The following DIS3L2 variants were observed in gnomAD, a reference collection of about 807,000 sequenced individuals.
DIS3L2 encodes the protein DIS3 like 3'-5' exoribonuclease 2, also known as DIS3-like exonuclease 2.
A neutral mutation model predicts 97.5 loss-of-function variants in DIS3L2; 34 were observed. That is an observed-to-expected ratio of 0.35 (90% confidence interval 0.27 to 0.46). DIS3L2 has a LOEUF of 0.46. Among genes scored for constraint, DIS3L2 ranks in the 20% least tolerant of loss-of-function variants. DIS3L2 has a pLI of 1.00. For synonymous variants in DIS3L2, 435 were observed against 445.2 expected, an observed-to-expected ratio of 0.98 and a Z score of 0.29; for missense variants, 1,038 against 1,146.0, an observed-to-expected ratio of 0.91 and a Z score of 1.36.
At chr2:232,046,563 C>T (rs9636348) in intron 5 of DIS3L2, among the ~76,000 whole-genome samples, 1 of 152,114 alleles carries the variant, frequency 6.6e-6, no homozygotes, top group African/African-American at 2.4e-5. Flanking sequence ...TGCAGTGTAA[C>T]TTGTTGGGGC....
intron 9 of DIS3L2, among the ~76,000 whole-genome samples, chr2:232,189,476 T>G (rs1691550904): frequency 6.6e-6 from 1 of 152,242 alleles, no homozygotes; most frequent in South Asian, 2.1e-4. Context: ...ATGATTCTAT[T>G]TAATCTTTTT....
chr2:232,281,892 G>A lies in DIS3L2; in HGVS notation c.1660-18148G>A, dbSNP rs985902064. Among the ~76,000 whole-genome samples the A allele has an allele frequency of 6.6e-6, 1 of 151,798 alleles. No homozygotes were observed. Among genetic ancestry groups the A allele is most frequent in the Non-Finnish European group, 1.5e-5 (1 of 67,808 alleles). ...GAGTTAAAGAGACATGGGAAGCATC[G>A]GGATTGCTCATACCTCCCAAAGTAC... On this transcript the variant is annotated intron_variant, in intron 13 of 20. Coordinates refer to ENST00000325385, the MANE Select transcript of DIS3L2 (RefSeq NM_152383.5). The surrounding 1 kb of genome is among the most constrained non-coding windows in gnomAD (Gnocchi z 4.1).
chr2:232,342,208 T>C (rs914384593), intron 13 of DIS3L2, among the ~76,000 whole-genome samples: 1 of 115,798 alleles, frequency 8.6e-6, no homozygotes, highest in Non-Finnish European at 1.7e-5. Flanking sequence ...CATACATATA[T>C]ACACATATAT....
rs186861803 is a variant in DIS3L2, at chr2:232,326,637, T to A, written c.1740-3176T>A. Among the ~76,000 whole-genome samples, 84 of 148,746 alleles carry A rather than the reference T, an allele frequency of 5.6e-4. 3 individuals are homozygous for A. In the East Asian group the frequency reaches 0.013, roughly 24 times the overall value. On this transcript the variant is annotated intron_variant, in intron 14 of 20. Transcript: ENST00000325385. ...GGCTGCACCTGGGAAGTGGACTTTCTGTGGTGCTAGCTCCCTCCTCAGTGC... is the reference window on the plus strand; with the variant it reads ...GGCTGCACCTGGGAAGTGGACTTTCAGTGGTGCTAGCTCCCTCCTCAGTGC...
chr2:232,130,508 A>G, intron 6 of DIS3L2, 111 bp from the exon 7 acceptor site: 1 of 1,282,204 alleles, frequency 7.8e-7, no homozygotes. Flanking sequence ...TAAAGTGAGT[A>G]GTTTGGGGTA....
intron 3 of DIS3L2, among the ~76,000 whole-genome samples, chr2:232,018,977 A>G (rs183547007): frequency 6.6e-6 from 1 of 152,156 alleles, no homozygotes. Flanking sequence ...GTTGGGAGAG[A>G]TTAGAGTAGG....
intron 17 of DIS3L2, among the ~76,000 whole-genome samples, 159 bp downstream of exon 17, chr2:232,334,146 T>A (rs1434329198): frequency 6.6e-6 from 1 of 152,148 alleles, no homozygotes; most frequent in East Asian, 1.9e-4. Flanking sequence ...AAACTCTCCC[T>A]ACGGGCCGGT....
At chr2:231,963,177 C>G (rs1692617644) in intron 1 of DIS3L2, among the ~76,000 whole-genome samples, 1 of 152,210 alleles carries the variant, frequency 6.6e-6, no homozygotes, top group Non-Finnish European at 1.5e-5. Flanking sequence ...AGTGGCTGAA[C>G]TAATTTACAT....
intron 14 of DIS3L2, 143 bp from the exon 15 acceptor site, chr2:232,329,670 T>C (rs1695674655): frequency 2.4e-6 from 2 of 818,736 alleles, no homozygotes; most frequent in Non-Finnish European, 3.7e-6. Flanking sequence ...GCGGAACACA[T>C]GAGATGAGGT....
intron 6 of DIS3L2, among the ~76,000 whole-genome samples, chr2:232,129,324 G>A (rs1386223816): frequency 6.6e-6 from 1 of 152,126 alleles, no homozygotes; most frequent in East Asian, 1.9e-4. Flanking sequence ...GCACATTGGT[G>A]AGGTATGTTA....
chr2:232,167,354 G>A (rs772917740), intron 9 of DIS3L2, among the ~76,000 whole-genome samples: 4 of 152,002 alleles, frequency 2.6e-5, no homozygotes, highest in South Asian at 2.1e-4. Flanking sequence ...TTTTACTTAC[G>A]AAAAGTATAG....
intron 6 of DIS3L2, among the ~76,000 whole-genome samples, chr2:232,110,589 A>C (rs1308048269): frequency 6.6e-6 from 1 of 152,200 alleles, no homozygotes; most frequent in African/African-American, 2.4e-5. Flanking sequence ...TTAGCAAACT[A>C]ATGCAGGAAC....
chr2:231,976,357 C>T (rs1009459194), intron 1 of DIS3L2, among the ~76,000 whole-genome samples: 2 of 152,062 alleles, frequency 1.3e-5, no homozygotes, highest in African/African-American at 2.4e-5. Flanking sequence ...GGGCCAGGCA[C>T]GGTAGCTCAC....
intron 6 of DIS3L2, among the ~76,000 whole-genome samples, chr2:232,115,013 C>A (rs1008039377): frequency 6.6e-6 from 1 of 152,088 alleles, no homozygotes; most frequent in African/African-American, 2.4e-5. Flanking sequence ...TGTGTTAGCT[C>A]AGGTCTCTCT....
At chr2:232,330,184 C>T (rs1037593955) in intron 15 of DIS3L2, among the ~76,000 whole-genome samples, 188 bp downstream of exon 15, 5 of 152,204 alleles carry the variant, frequency 3.3e-5, no homozygotes, top group African/African-American at 1.2e-4. Context: ...GACAGTGGGA[C>T]CTGCCCCTTC....
At chr2:232,279,055 A>T (rs966325911) in intron 13 of DIS3L2, among the ~76,000 whole-genome samples, 2 of 152,210 alleles carry the variant, frequency 1.3e-5, no homozygotes, top group Admixed American at 1.3e-4. Flanking sequence ...CTCCTGCCTC[A>T]GCCTCCTGAG....
At chr2:232,082,326 C>T (rs1696427156) in intron 5 of DIS3L2, among the ~76,000 whole-genome samples, 1 of 152,170 alleles carries the variant, frequency 6.6e-6, no homozygotes. Context: ...GAGTCTCCAG[C>T]CCCTGGGCCA....
At chr2:232,129,053 G>A (rs1698149076) in intron 6 of DIS3L2, among the ~76,000 whole-genome samples, 1 of 152,130 alleles carries the variant, frequency 6.6e-6, no homozygotes, top group South Asian at 2.1e-4. Context: ...ATGTAATTTG[G>A]TATAACATTT....
intron 13 of DIS3L2, among the ~76,000 whole-genome samples, chr2:232,294,577 G>T (rs1271807455): frequency 6.6e-6 from 1 of 151,902 alleles, no homozygotes; most frequent in Non-Finnish European, 1.5e-5. Context: ...ACTTCTTTTT[G>T]GATCTTGTTT....
Sources: gnomAD v4.1 joint callset for allele counts (sites outside exome capture counted in the v4.1 genomes callset) on GRCh38, gnomAD v4.1.1 for gene constraint, Gnocchi (gnomAD v3.1) non-coding constraint, MANE v1.5 for transcripts, NCBI Gene and HGNC (gene_info 2026-07-23, HGNC 2026-07-21) for gene names.